The following SH3TC1 variants were observed in gnomAD, a reference collection of about 807,000 sequenced individuals.
SH3TC1 encodes SH3 domain and tetratricopeptide repeat-containing protein 1.
Under a neutral mutation model 117.3 loss-of-function variants are expected in SH3TC1, and 135 were observed. The ratio of observed to expected loss-of-function variants is 1.15; its 90% CI spans 1.00 to 1.33. The LOEUF (loss-of-function observed/expected upper bound fraction) is 1.33, where lower values mean the gene tolerates loss of function less well. SH3TC1 is among the 40% of genes most tolerant of loss of function. SH3TC1 has a pLI of 0.00. For missense variants in SH3TC1, 2,092 were observed against 1,794.3 expected, an observed-to-expected ratio of 1.17 and a Z score of -3.00; for synonymous variants, 898 against 816.9, an observed-to-expected ratio of 1.10 and a Z score of -1.69.
Position 8,227,662 on chromosome 4 carries a change from G to A in SH3TC1, c.1968G>A (p.Val656=), listed in dbSNP as rs1036664129. ...ELLQLALRRA[V]GGQSLQAEAR... is the part of the protein sequence containing the mutation. ...TGCAGCTGGCGCTGCGGCGGGCGGT[G>A]GGTGGCCAGAGCCTGCAGGCCGAGG... The change falls in exon 12 of 18, where the codon GTG becomes GTA. Residue 656 remains valine (V), a synonymous_variant. Transcript: ENST00000245105. 3.9e-6 allele frequency: 6 copies of A among 1,530,338 alleles called. No individual in the cohort carries two copies. In the African/African-American group the frequency reaches 6.9e-5, roughly 18 times the overall value. The allele number at this position is 1,530,338 out of a possible 1,614,324, so 94.8% of individuals were successfully genotyped here. A position where few individuals can be genotyped will look rare whatever the true frequency, so the allele number is the denominator to read the frequency against.
Position 8,207,211 on chromosome 4 carries a change from G to C in SH3TC1, c.172+1845G>C, listed in dbSNP as rs11937265. On this transcript the variant is annotated intron_variant, in intron 2 of 17. Coordinates refer to ENST00000245105, the MANE Select transcript of SH3TC1 (RefSeq NM_018986.5). ...TTGGATCTTTTGTAGAATGTCCCTC[G>C]ATTCGAGTGCAGCTACTATTTCTTC... Among the ~76,000 whole-genome samples, 538 of 152,212 alleles carry C rather than the reference G, an allele frequency of 3.5e-3. 5 individuals are homozygous for C. The highest frequency in any genetic ancestry group is 0.012 in the African/African-American group (514 of 41,542).
At position 8,209,256 on chromosome 4, in the gene SH3TC1, C is replaced by T. The variant is rs569590895; in HGVS notation, c.173-492C>T. ...GGATCTCGAGATGGAGAGATGATCCCGGATGCTCCAGTGGGCCCTCCATGG... is the reference window on the plus strand; with the variant it reads ...GGATCTCGAGATGGAGAGATGATCCTGGATGCTCCAGTGGGCCCTCCATGG... On this transcript the variant is annotated intron_variant, in intron 2 of 17. Transcript: ENST00000245105. The surrounding 1 kb of genome is among the most constrained non-coding windows in gnomAD (Gnocchi z 5.9). 3.2e-4 allele frequency among the ~76,000 whole-genome samples: 49 copies of T among 152,328 alleles called. No homozygotes were observed. Among genetic ancestry groups the T allele is most frequent in the Admixed American group, 7.2e-4 (11 of 15,310 alleles).
chr4:8,224,989 C>T (rs1720324809), intron 10 of SH3TC1, 186 bp from the exon 11 acceptor site: 1 of 673,186 alleles, frequency 1.5e-6, no homozygotes, highest in African/African-American at 1.8e-5. Context: ...CCTGCAACAC[C>T]TCAGCCTGCA....
chr4:8,236,677 C>T (rs1252702237), intron 16 of SH3TC1: 6 of 427,968 alleles, frequency 1.4e-5, no homozygotes, highest in African/African-American at 6.1e-5. Context: ...ACGAGGGCTG[C>T]CCAGTGTGCC....
chr4:8,234,010 TATCC>T (rs1270645392), intron 14 of SH3TC1, among the ~76,000 whole-genome samples: 1,137 of 71,828 alleles, frequency 0.016, 17 homozygotes, highest in African/African-American at 0.037. Context: ...TCCTTCCATT[TATCC>T]ATCCATCATC....
intron 6 of SH3TC1, among the ~76,000 whole-genome samples, chr4:8,216,523 G>A (rs1258255591): frequency 1.3e-5 from 2 of 152,236 alleles, no homozygotes; most frequent in East Asian, 1.9e-4. Context: ...TCCCCAGCTC[G>A]TGTCTCTGAC....
chr4:8,198,101 GC>G (rs560401225), upstream of SH3TC1, among the ~76,000 whole-genome samples: 465 of 152,230 alleles, frequency 3.1e-3, 4 homozygotes, highest in African/African-American at 0.011. Flanking sequence ...GCACAGGACA[GC>G]CCCCCGCCCT....
chr4:8,228,498 G>C lies in SH3TC1; in HGVS notation c.2804G>C (p.Arg935Thr), dbSNP rs748564964. Residue 935 changes from arginine to threonine, a missense_variant, in exon 12 of 18, where the codon AGG becomes ACG. Transcript: ENST00000245105. ...YLLEAVRLFSRLPLGECGRDF... is the reference protein window; with the variant it reads ...YLLEAVRLFSTLPLGECGRDF... The stretch of plus-strand genomic sequence containing the variant: ...CTGGAGGCCGTGCGGCTGTTCTCGA[G>C]GCTGCCCCTTGGGGAGTGTGGCCGG... 6.2e-7 allele frequency: 1 copy of C among 1,611,528 alleles called. No individual in the cohort carries two copies. The highest frequency in any genetic ancestry group is 8.5e-7 in the Non-Finnish European group (1 of 1,179,544).
At chr4:8,221,538 G>C (rs1421906536) in intron 9 of SH3TC1, among the ~76,000 whole-genome samples, 1 of 151,932 alleles carries the variant, frequency 6.6e-6, no homozygotes, top group Non-Finnish European at 1.5e-5. Flanking sequence ...CCCTCACCCA[G>C]ATTGCACAAA....
intron 1 of SH3TC1, among the ~76,000 whole-genome samples, chr4:8,201,041 G>A (rs1216456952): frequency 6.6e-6 from 1 of 152,200 alleles, no homozygotes; most frequent in Non-Finnish European, 1.5e-5. Flanking sequence ...ATTTTGAAAG[G>A]ACAGTGTCAC....
chr4:8,233,341 T>G (rs1165624532), intron 13 of SH3TC1, 22 bp from the exon 14 acceptor site: 3 of 1,589,350 alleles, frequency 1.9e-6, no homozygotes, highest in Non-Finnish European at 2.6e-6. Flanking sequence ...GCCCTTGTTC[T>G]GACACCTGTG....
chr4:8,204,138 G>A (rs754918324), intron 1 of SH3TC1, among the ~76,000 whole-genome samples: 5 of 152,204 alleles, frequency 3.3e-5, no homozygotes, highest in Non-Finnish European at 5.9e-5. Context: ...TGGCCGTCCC[G>A]GTTCTCCATG....
Position 8,206,007 on chromosome 4 carries a change from C to A in SH3TC1, c.172+641C>A. The A allele has an allele frequency of 2.9e-6, 1 of 343,112 alleles. No individual in the cohort carries two copies. The highest frequency in any genetic ancestry group is 5.4e-6 in the Non-Finnish European group (1 of 186,434). The allele number at this position is 343,112 out of a possible 1,614,324, so 21.3% of individuals were successfully genotyped here. On this transcript the variant is annotated intron_variant, in intron 2 of 17. Coordinates refer to ENST00000245105, the MANE Select transcript of SH3TC1 (RefSeq NM_018986.5). This position sits in a 1 kb window ranked among gnomAD's most constrained non-coding sequence, Gnocchi z 5.5. Reference sequence around the variant, plus strand: ...GGGCCTCGTCCTCCCAGTGTCCAGCCTCAGCCCAGTCTCCTCTTAGCTGCC... The same window carrying A: ...GGGCCTCGTCCTCCCAGTGTCCAGCATCAGCCCAGTCTCCTCTTAGCTGCC...
Position 8,227,557 on chromosome 4 carries a change from A to T in SH3TC1, c.1863A>T (p.Ala621=). Reference sequence around the variant, plus strand: ...AGCAGAAGAACCGGGAGAAGTGTGCACAGGTGGTGCCCAAAGCCATGGCCC... The same window carrying T: ...AGCAGAAGAACCGGGAGAAGTGTGCTCAGGTGGTGCCCAAAGCCATGGCCC... The part of the protein sequence containing the change: ...YRKQKNREKC[A]QVVPKAMALL... Residue 621 remains alanine (A), a synonymous_variant, in exon 12 of 18, where the codon GCA becomes GCT. Coordinates refer to ENST00000245105, the MANE Select transcript of SH3TC1 (RefSeq NM_018986.5). The T allele has an allele frequency of 6.6e-7, 1 of 1,526,162 alleles. No homozygotes were observed. The highest frequency in any genetic ancestry group is 1.4e-5 in the African/African-American group (1 of 71,966). 94.5% of individuals were successfully genotyped at this position (1,526,162 alleles called of 1,614,324 possible).
chr4:8,216,801 C>A (rs1464193524), intron 6 of SH3TC1, among the ~76,000 whole-genome samples, 156 bp from the exon 7 acceptor site: 2 of 152,176 alleles, frequency 1.3e-5, no homozygotes, highest in East Asian at 3.9e-4. Context: ...GCCCACCTCT[C>A]CTTCTGAGCC....
chr4:8,195,405 C>CGTG (rs1717528975), upstream of SH3TC1, among the ~76,000 whole-genome samples: 2 of 152,192 alleles, frequency 1.3e-5, no homozygotes, highest in African/African-American at 2.4e-5. Flanking sequence ...GTGTCTGCAG[C>CGTG]CTCCAGTTGG....
At chr4:8,196,091 C>T (rs891130114), upstream of SH3TC1, among the ~76,000 whole-genome samples, 1 of 152,250 alleles carries the variant, frequency 6.6e-6, no homozygotes, top group Admixed American at 6.5e-5. This position sits in a 1 kb window ranked among gnomAD's most constrained non-coding sequence, Gnocchi z 4.6. Flanking sequence ...GGACCCGGCA[C>T]GGGCATTTGT....
intron 2 of SH3TC1, among the ~76,000 whole-genome samples, chr4:8,207,795 C>T (rs1718331059): frequency 6.6e-6 from 1 of 152,172 alleles, no homozygotes; most frequent in South Asian, 2.1e-4. Context: ...TTGCACTTTC[C>T]CTGCCATAGC....
At chr4:8,202,368 G>A (rs768482457) in intron 1 of SH3TC1, among the ~76,000 whole-genome samples, 2 of 152,250 alleles carry the variant, frequency 1.3e-5, no homozygotes, top group Admixed American at 6.5e-5. Flanking sequence ...CAGTGAGGCT[G>A]TGTTCTGCGT....
Sources: allele counts gnomAD v4.1 joint callset (sites outside exome capture counted in the v4.1 genomes callset), GRCh38; gene constraint gnomAD v4.1.1; non-coding constraint Gnocchi (gnomAD v3.1); transcripts MANE v1.5; gene names NCBI Gene and HGNC (gene_info 2026-07-23, HGNC 2026-07-21).